The following GALNT13 variants were observed in gnomAD, a reference collection of about 807,000 sequenced individuals.
The protein encoded by GALNT13 is polypeptide N-acetylgalactosaminyltransferase 13.
In GALNT13, 28 loss-of-function variants were observed where a neutral mutation model predicts 64.2. That is an observed-to-expected ratio of 0.44 (90% CI 0.32 to 0.60). The LOEUF (loss-of-function observed/expected upper bound fraction) is 0.60. Ranked by LOEUF, GALNT13 falls within the 20% of genes least tolerant of loss-of-function variation. The pLI is 0.05. For synonymous variants in GALNT13, 214 were observed against 224.6 expected (o/e 0.95, Z 0.42); for missense variants, 577 against 669.8 (o/e 0.86, Z 1.53).
intron 11 of GALNT13, among the ~76,000 whole-genome samples, chr2:154,424,864 G>C (rs536688512): frequency 6.6e-6 from 1 of 152,230 alleles, no homozygotes; most frequent in East Asian, 1.9e-4. Context: ...GCCTTTGGGG[G>C]AACCCAAACT....
At chr2:153,258,977 T>C in the GALNT13 span, among the ~76,000 whole-genome samples, 132 of 152,334 alleles carry the variant, frequency 8.7e-4, 1 homozygote, top group African/African-American at 3.1e-3. Context: ...TGGTCTACAG[T>C]GCTGATATGT....
At chr2:154,204,799 C>G (rs980366376) in intron 4 of GALNT13, among the ~76,000 whole-genome samples, 5 of 152,194 alleles carry the variant, frequency 3.3e-5, no homozygotes, top group African/African-American at 1.2e-4. Context: ...ATGTTGTGAT[C>G]CATGCCTTCG....
chr2:153,770,170 G>GC, the GALNT13 span, among the ~76,000 whole-genome samples: 18 of 58,692 alleles, frequency 3.1e-4, no homozygotes, highest in Admixed American at 6.9e-4. Flanking sequence ...CCACCCCCCC[G>GC]CCCCCCCACA....
At chr2:153,547,740 G>T in the GALNT13 span, among the ~76,000 whole-genome samples, 1 of 152,096 alleles carries the variant, frequency 6.6e-6, no homozygotes, top group East Asian at 1.9e-4. Context: ...AGATTATGAG[G>T]ATGTTATTTG....
the GALNT13 span, among the ~76,000 whole-genome samples, chr2:153,825,603 G>A: frequency 7.1e-6 from 1 of 140,046 alleles, no homozygotes; most frequent in East Asian, 2.0e-4. Context: ...CTCTTTCCAT[G>A]AGTGCTGTGT....
At chr2:154,335,566 A>G (rs999592851) in intron 9 of GALNT13, among the ~76,000 whole-genome samples, 4 of 152,004 alleles carry the variant, frequency 2.6e-5, no homozygotes, top group Non-Finnish European at 4.4e-5. Flanking sequence ...ATTAAATACA[A>G]TAGACTCCTG....
At chr2:153,207,249 G>A in the GALNT13 span, among the ~76,000 whole-genome samples, 220 of 152,196 alleles carry the variant, frequency 1.4e-3, 6 homozygotes, top group East Asian at 0.038. Flanking sequence ...TATGCTGATT[G>A]TCTTTCCATG....
At chr2:154,398,830 A>G (rs925500213) in intron 10 of GALNT13, among the ~76,000 whole-genome samples, 1 of 152,230 alleles carries the variant, frequency 6.6e-6, no homozygotes, top group African/African-American at 2.4e-5. Flanking sequence ...TACACTTATT[A>G]TATCTACCAT....
the GALNT13 span, among the ~76,000 whole-genome samples, chr2:153,094,175 A>G: frequency 4.6e-5 from 7 of 151,676 alleles, no homozygotes; most frequent in African/African-American, 1.7e-4. Flanking sequence ...TATTTTTTTC[A>G]TATTAAATTT....
At chr2:153,653,811 A>C in the GALNT13 span, among the ~76,000 whole-genome samples, 1 of 152,218 alleles carries the variant, frequency 6.6e-6, no homozygotes, top group Non-Finnish European at 1.5e-5. Context: ...ATATTTTGGA[A>C]TAATCAAATA....
chr2:154,450,300 G>T, intron 12 of GALNT13, 111 bp from the exon 13 acceptor site: 2 of 890,160 alleles, frequency 2.2e-6, no homozygotes, highest in Non-Finnish European at 3.5e-6. Context: ...CTATCACAGT[G>T]TATTATACTA....
intron 9 of GALNT13, among the ~76,000 whole-genome samples, chr2:154,362,820 T>G (rs1179446673): frequency 2.6e-5 from 4 of 152,172 alleles, no homozygotes; most frequent in African/African-American, 9.7e-5. Flanking sequence ...CTCCCCACAT[T>G]CATTTTCATG....
intron 9 of GALNT13, among the ~76,000 whole-genome samples, chr2:154,359,471 C>A (rs1308044194): frequency 2.0e-5 from 3 of 152,052 alleles, no homozygotes; most frequent in Non-Finnish European, 4.4e-5. Flanking sequence ...CTACCATTCA[C>A]CTACTGGAGG....
At chr2:153,178,960 C>G in the GALNT13 span, among the ~76,000 whole-genome samples, 2 of 151,788 alleles carry the variant, frequency 1.3e-5, no homozygotes, top group Non-Finnish European at 2.9e-5. Flanking sequence ...CCAGGCTGGT[C>G]TTGATCTCCT....
rs779524141 is a variant in GALNT13 at position 154,129,650 on chromosome 2, C to T, written c.143-10687C>T. Among the ~76,000 whole-genome samples the T allele has an allele frequency of 9.2e-5, 14 of 151,870 alleles. No individual in the cohort carries two copies. In the East Asian group the frequency reaches 1.5e-3, roughly 17 times the overall value. ...ATATCCTTATATATTATATATAATA[C>T]GTAAAGATACACATCATCTTTATAT... On this transcript the variant is annotated intron_variant, in intron 3 of 12. Transcript: ENST00000392825.
chr2:154,455,677 A>G (rs73965463), downstream of GALNT13, among the ~76,000 whole-genome samples: 3,136 of 152,266 alleles, frequency 0.021, 73 homozygotes, highest in East Asian at 0.12. Context: ...GTATGAATTT[A>G]TGGTGTTGAA....
intron 3 of GALNT13, among the ~76,000 whole-genome samples, chr2:154,001,404 G>T (rs1283896621): frequency 6.6e-6 from 1 of 151,542 alleles, no homozygotes; most frequent in East Asian, 1.9e-4. Context: ...AGCACATCTT[G>T]ATTCTGTATT....
chr2:154,396,128 G>T lies in GALNT13; in HGVS notation c.1294G>T (p.Glu432Ter). ...QIPRRYYSLG[E>*]IRNVETNQCL... ...CCCAAGACGTTATTACTCACTTGGTGAGGTATGAATTATTTATTTTGGTTA... is the reference window on the plus strand; with the variant it reads ...CCCAAGACGTTATTACTCACTTGGTTAGGTATGAATTATTTATTTTGGTTA... The change falls in exon 10 of 13, where the codon GAG (glutamate) becomes TAG (stop). Residue 432 changes from glutamate to a stop codon, truncating the protein, a stop_gained and splice_region_variant. Coordinates refer to ENST00000392825, the MANE Select transcript of GALNT13 (RefSeq NM_052917.4). LOFTEE classifies it high-confidence loss of function. The T allele has an allele frequency of 6.3e-7, 1 of 1,595,794 alleles. No homozygotes were observed. Among genetic ancestry groups the T allele is most frequent in the South Asian group, 1.1e-5 (1 of 87,618 alleles).
At chr2:153,722,413 C>G in the GALNT13 span, among the ~76,000 whole-genome samples, 6 of 140,186 alleles carry the variant, frequency 4.3e-5, no homozygotes, top group Non-Finnish European at 9.0e-5. Context: ...AAAGCAAGAG[C>G]AAACACATTC....
Sources: gnomAD v4.1 joint callset for allele counts (sites outside exome capture counted in the v4.1 genomes callset) on GRCh38, gnomAD v4.1.1 for gene constraint, MANE v1.5 for transcripts, NCBI Gene and HGNC (gene_info 2026-07-23, HGNC 2026-07-21) for gene names.